PRIMA1: variants seen among roughly 807,000 people sequenced by gnomAD.
PRIMA1 encodes the protein proline rich membrane anchor 1.
A neutral mutation model predicts 17.5 loss-of-function variants in PRIMA1; 7 were observed. That is an observed-to-expected ratio of 0.40 (90% CI 0.23 to 0.75). The LOEUF (loss-of-function observed/expected upper bound fraction) is 0.75, where lower values mean the gene tolerates loss of function less well. Among genes scored for constraint, PRIMA1 ranks in the 30% least tolerant of loss-of-function variants. The pLI, the probability that PRIMA1 is intolerant of heterozygous loss-of-function variation, is 0.37. For synonymous variants in PRIMA1, 97 were observed against 77.9 expected, an observed-to-expected ratio of 1.25 and a Z score of -1.29; for missense variants, 200 against 201.8, an observed-to-expected ratio of 0.99 and a Z score of 0.05.
chr14:93,777,626 G>A (rs539801037), intron 3 of PRIMA1, among the ~76,000 whole-genome samples: 1 of 152,332 alleles, frequency 6.6e-6, no homozygotes, highest in South Asian at 2.1e-4. Flanking sequence ...ATGAGCCACT[G>A]TGCCCGACCA....
At chr14:93,753,310 A>T (rs1258238495) in intron 3 of PRIMA1, among the ~76,000 whole-genome samples, 1 of 152,212 alleles carries the variant, frequency 6.6e-6, no homozygotes. Flanking sequence ...AGGGTCCAAG[A>T]AGAAGCCAAG....
At chr14:93,727,556 C>G (rs1299121971) in intron 4 of PRIMA1, among the ~76,000 whole-genome samples, 2 of 152,066 alleles carry the variant, frequency 1.3e-5, no homozygotes. Context: ...GTCCATCTCA[C>G]TGGGGGTCTG....
Position 93,721,321 on chromosome 14 carries a change from T to C in PRIMA1, c.*123A>G. On this transcript the variant is annotated 3_prime_UTR_variant, in exon 5 of 5. Transcript: ENST00000393140. ...GACAATGGTTTCTCCTTCGGGAGGCTCAGGGCCTGTGAGGCAATGAAGTCC... is the reference window on the plus strand; with the variant it reads ...GACAATGGTTTCTCCTTCGGGAGGCCCAGGGCCTGTGAGGCAATGAAGTCC... 1.5e-6 allele frequency: 1 copy of C among 647,856 alleles called. No homozygotes were observed. The highest frequency in any genetic ancestry group is 2.7e-6 in the Non-Finnish European group (1 of 369,716). The allele number at this position is 647,856 out of a possible 1,614,324, so 40.1% of individuals were successfully genotyped here.
chr14:93,775,908 G>A (rs1214531370), intron 3 of PRIMA1, among the ~76,000 whole-genome samples: 1 of 152,172 alleles, frequency 6.6e-6, no homozygotes, highest in African/African-American at 2.4e-5. Flanking sequence ...ACATGGCCCG[G>A]GCCTGACCAA....
intron 4 of PRIMA1, 51 bp downstream of exon 4, chr14:93,737,190 C>T: frequency 1.2e-6 from 2 of 1,601,190 alleles, no homozygotes; most frequent in Non-Finnish European, 1.7e-6. Context: ...GCCCCAAGCC[C>T]AGCTGGGGTT....
At chr14:93,785,112 C>T (rs1021111242) in intron 2 of PRIMA1, among the ~76,000 whole-genome samples, 2 of 148,208 alleles carry the variant, frequency 1.3e-5, no homozygotes, top group African/African-American at 2.5e-5. Context: ...GGAGACAGGC[C>T]AGCACCACGG....
intron 2 of PRIMA1, among the ~76,000 whole-genome samples, chr14:93,785,922 C>G (rs959908184): frequency 6.6e-6 from 1 of 151,856 alleles, no homozygotes; most frequent in African/African-American, 2.4e-5. Context: ...ACACACACCC[C>G]TGCTTGTGTA....
chr14:93,775,585 G>A (rs546466363), intron 3 of PRIMA1, among the ~76,000 whole-genome samples: 6 of 152,262 alleles, frequency 3.9e-5, no homozygotes, highest in East Asian at 1.9e-4. Context: ...TGCAACCTCC[G>A]CCTCCGTATT....
chr14:93,748,040 GTGTGTGAGTGTGTGTA>G (rs1353402791), intron 3 of PRIMA1, among the ~76,000 whole-genome samples: 4 of 67,218 alleles, frequency 6.0e-5, no homozygotes, highest in African/African-American at 1.5e-4. Flanking sequence ...GTGTGTGGGA[GTGTGTGAGTGTGTGTA>G]TGTGAGTGTG....
chr14:93,785,188 C>CAAAAAAAAAAAAAAAAAAA (rs386382197), intron 2 of PRIMA1, among the ~76,000 whole-genome samples: 1 of 110,076 alleles, frequency 9.1e-6, no homozygotes, highest in Non-Finnish European at 1.8e-5. Context: ...TCTTCTCTTT[C>CAAAAAAAAAAAAAAAAAAA]AAAAAAAAAA....
rs528095144 is a variant in PRIMA1, at chr14:93,745,308, C to T, written c.230-7938G>A. The stretch of plus-strand genomic sequence containing the variant: ...ATGCCACCAGGACGGTCTCAGGGCT[C>T]CAGAGCAGCCCAAGCCACAAGGGTG... On this transcript the variant is annotated intron_variant, in intron 3 of 4. Transcript: ENST00000393140. Among the ~76,000 whole-genome samples, 17 of 152,330 alleles carry T rather than the reference C, an allele frequency of 1.1e-4. No homozygotes were observed. The South Asian group carries it at 2.9e-3, about 26-fold the overall frequency.
chr14:93,745,385 G>A (rs1033294581), intron 3 of PRIMA1, among the ~76,000 whole-genome samples: 5 of 152,306 alleles, frequency 3.3e-5, no homozygotes, highest in East Asian at 1.9e-4. Flanking sequence ...TCAGAGCCCC[G>A]GGTCCCACCC....
rs759216115 is a variant in PRIMA1, at chr14:93,721,424, C to T, written c.*20G>A. 20 of 1,543,526 alleles carry T rather than the reference C, an allele frequency of 1.3e-5. No individual in the cohort carries two copies. The East Asian group carries it at 2.9e-4, about 22-fold the overall frequency. Reference sequence around the variant, plus strand: ...GCCACCAAGGTGTCCCTCTGGCCAGCGGGTCCAGGGCCTGCAGACTCACAC... The same window carrying T: ...GCCACCAAGGTGTCCCTCTGGCCAGTGGGTCCAGGGCCTGCAGACTCACAC... On this transcript the variant is annotated 3_prime_UTR_variant, in exon 5 of 5. Coordinates refer to ENST00000393140, the MANE Select transcript of PRIMA1 (RefSeq NM_178013.4).
At chr14:93,777,625 T>C (rs566081128) in intron 3 of PRIMA1, among the ~76,000 whole-genome samples, 6 of 152,372 alleles carry the variant, frequency 3.9e-5, no homozygotes, top group Admixed American at 1.3e-4. Flanking sequence ...CATGAGCCAC[T>C]GTGCCCGACC....
chr14:93,747,664 GA>G (rs1458633065), intron 3 of PRIMA1, among the ~76,000 whole-genome samples: 3 of 151,066 alleles, frequency 2.0e-5, no homozygotes, highest in Non-Finnish European at 4.4e-5. Context: ...GAGTGTGTGA[GA>G]GTGAGTGTGT....
intron 4 of PRIMA1, among the ~76,000 whole-genome samples, chr14:93,721,752 C>T (rs982260177): frequency 1.3e-4 from 20 of 152,056 alleles, no homozygotes; most frequent in African/African-American, 1.9e-4. Flanking sequence ...GGTCTTAACT[C>T]GGGTGTCATG....
At chr14:93,774,031 G>A (rs569356406) in intron 3 of PRIMA1, among the ~76,000 whole-genome samples, 165 of 152,292 alleles carry the variant, frequency 1.1e-3, no homozygotes, top group African/African-American at 3.8e-3. Context: ...GGCAGAGATT[G>A]CAGTGAGCCG....
intron 4 of PRIMA1, among the ~76,000 whole-genome samples, chr14:93,722,509 T>C (rs1350537794): frequency 1.3e-5 from 2 of 151,614 alleles, no homozygotes; most frequent in Admixed American, 6.6e-5. Flanking sequence ...GTGGTGGTGA[T>C]GGTTCGGTTG....
intron 2 of PRIMA1, among the ~76,000 whole-genome samples, chr14:93,787,102 G>A (rs1260039706): frequency 6.6e-6 from 1 of 152,118 alleles, no homozygotes; most frequent in East Asian, 1.9e-4. Context: ...CCTGGCCTCT[G>A]CCCTGGGATT....
Sources: allele counts gnomAD v4.1 joint callset (sites outside exome capture counted in the v4.1 genomes callset), GRCh38; gene constraint gnomAD v4.1.1; transcripts MANE v1.5; gene names NCBI Gene and HGNC (gene_info 2026-07-23, HGNC 2026-07-21).